FGD6: variants seen among roughly 807,000 people sequenced by gnomAD.
FGD6 encodes FYVE, RhoGEF and PH domain containing 6.
Under a neutral mutation model 149.4 loss-of-function variants are expected in FGD6, and 90 were observed. The ratio of observed to expected loss-of-function variants is 0.60; its 90% CI spans 0.51 to 0.72. The LOEUF (loss-of-function observed/expected upper bound fraction) is 0.72, where lower values mean the gene tolerates loss of function less well. FGD6 is among the 30% of genes least tolerant of loss of function. The probability of loss-of-function intolerance (pLI) is 0.00; values close to 1 mark genes in which losing one functional copy is unlikely to be tolerated. For synonymous variants in FGD6, 527 were observed against 584.0 expected, an observed-to-expected ratio of 0.90 and a Z score of 1.41; for missense variants, 1,437 against 1,684.8, an observed-to-expected ratio of 0.85 and a Z score of 2.57.
chr12:95,111,720 T>TTA (rs1210624754), intron 9 of FGD6, among the ~76,000 whole-genome samples: 1 of 152,138 alleles, frequency 6.6e-6, no homozygotes, highest in African/African-American at 2.4e-5. Flanking sequence ...TTGATGGATA[T>TTA]TATAAACTTC....
intron 2 of FGD6, among the ~76,000 whole-genome samples, chr12:95,198,859 TG>T (rs1322315078): frequency 6.6e-6 from 1 of 152,184 alleles, no homozygotes; most frequent in Non-Finnish European, 1.5e-5. Flanking sequence ...GGAGTCAGTT[TG>T]GGGGAAGAAA....
chr12:95,164,962 T>TA (rs987793210), intron 3 of FGD6, among the ~76,000 whole-genome samples: 3 of 152,074 alleles, frequency 2.0e-5, no homozygotes, highest in Admixed American at 6.6e-5. Flanking sequence ...AAAGATTTTT[T>TA]AAAAAAACAA....
At chr12:95,113,534 C>T in intron 9 of FGD6, 117 bp downstream of exon 9, 1 of 801,814 alleles carries the variant, frequency 1.2e-6, no homozygotes, top group Non-Finnish European at 2.0e-6. Flanking sequence ...CCGCACCTGC[C>T]CTTCAAGTCG....
intron 8 of FGD6, chr12:95,126,039 A>G (rs1395249893): frequency 7.6e-7 from 1 of 1,311,860 alleles, no homozygotes; most frequent in Non-Finnish European, 1.1e-6. Flanking sequence ...ATGGGCCAGG[A>G]AGATTGAAGC....
In FGD6 at chr12:95,193,811, G is replaced by T. The variant is rs187131999; in HGVS notation, c.2441+15032C>A. 2.4e-3 allele frequency among the ~76,000 whole-genome samples: 371 copies of T among 152,252 alleles called. 1 individual carries two copies. Among genetic ancestry groups the T allele is most frequent in the African/African-American group, 7.5e-3 (311 of 41,554 alleles). On this transcript the variant is annotated intron_variant, in intron 2 of 20. Coordinates refer to ENST00000343958, the MANE Select transcript of FGD6 (RefSeq NM_018351.4). ...CCCAAAGTGTTGGGATTATAGGCAT[G>T]AGCCACCATGCCTGGCCCATGCTGA...
intron 8 of FGD6, among the ~76,000 whole-genome samples, chr12:95,131,451 T>G (rs1279954093): frequency 3.4e-4 from 52 of 152,146 alleles, no homozygotes. Flanking sequence ...AATTACTTCC[T>G]GAACAGCTTC....
intron 8 of FGD6, among the ~76,000 whole-genome samples, chr12:95,127,986 T>G (rs1447297180): frequency 6.6e-6 from 1 of 152,148 alleles, no homozygotes; most frequent in Non-Finnish European, 1.5e-5. Flanking sequence ...GGCTTTTTTC[T>G]GAAAAACAAA....
At position 95,137,523 on chromosome 12, in the gene FGD6, T is replaced by C; in HGVS notation, c.2993A>G (p.Glu998Gly). ...PGFAAVVREF[E>G]MSPRCANLAL... ...TCAACATTAGATAGTAGCAAATACC[T>C]CAAATTCTCTAACAACAGCAGCAAA... Residue 998 changes from glutamate to glycine, a missense_variant and splice_region_variant, in exon 7 of 21, where the codon GAG becomes GGG. Glu to Gly is a moderately conservative substitution (Grantham distance 98). Transcript: ENST00000343958. 1 of 1,572,826 alleles carries C rather than the reference T, an allele frequency of 6.4e-7. No homozygotes were observed. Among genetic ancestry groups the C allele is most frequent in the Non-Finnish European group, 8.6e-7 (1 of 1,160,568 alleles).
intron 14 of FGD6, among the ~76,000 whole-genome samples, chr12:95,103,690 A>G (rs980858596): frequency 2.6e-5 from 4 of 152,168 alleles, no homozygotes; most frequent in African/African-American, 9.6e-5. Context: ...ACATGCCACC[A>G]TGTCTGGCTA....
intron 2 of FGD6, among the ~76,000 whole-genome samples, chr12:95,197,591 A>G (rs1445201568): frequency 6.6e-6 from 1 of 152,176 alleles, no homozygotes; most frequent in Non-Finnish European, 1.5e-5. Context: ...CCCTAAGTTA[A>G]TAAGGGTATT....
In FGD6 at chr12:95,210,219, A is replaced by T. The variant is rs765994336; in HGVS notation, c.1065T>A (p.Ser355Arg). The T allele has an allele frequency of 1.2e-6, 2 of 1,614,100 alleles. No homozygotes were observed. Among genetic ancestry groups the T allele is most frequent in the East Asian group, 4.5e-5 (2 of 44,886 alleles). ...DSSSSCLTENSLKINKISVLH... is the reference protein window; with the variant it reads ...DSSSSCLTENRLKINKISVLH... Reference sequence around the variant, plus strand: ...GAACACTGATTTTATTGATTTTCAAACTATTTTCAGTAAGACAGGAAGAGC... The same window carrying T: ...GAACACTGATTTTATTGATTTTCAATCTATTTTCAGTAAGACAGGAAGAGC... The change falls in exon 2 of 21, where the codon AGT (serine) becomes AGA (arginine). Residue 355 changes from serine to arginine, a missense_variant. By Grantham distance (110) the Ser-to-Arg change is moderately radical. This residue lies in a region of FGD6 where 1,055 missense variants were observed against 1,146.0 expected (regional missense o/e 0.92). Coordinates refer to ENST00000343958, the MANE Select transcript of FGD6 (RefSeq NM_018351.4).
chr12:95,177,297 T>C (rs1250865751), intron 2 of FGD6, among the ~76,000 whole-genome samples: 1 of 152,210 alleles, frequency 6.6e-6, no homozygotes, highest in African/African-American at 2.4e-5. Flanking sequence ...AGGGATCGGA[T>C]GGCCGAGAGA....
In FGD6 at chr12:95,126,860, G is replaced by A. The variant is rs559927468; in HGVS notation, c.3082+7879C>T. ...GGAGAATTGCTTGAACCCAGGAGTC[G>A]GAAGTTGCAGTGAGCTGAGATCATA... On this transcript the variant is annotated intron_variant, in intron 8 of 20. Coordinates refer to ENST00000343958, the MANE Select transcript of FGD6 (RefSeq NM_018351.4). Among the ~76,000 whole-genome samples the A allele has an allele frequency of 5.3e-5, 8 of 152,158 alleles. No individual in the cohort carries two copies. The South Asian group carries it at 6.2e-4, about 12-fold the overall frequency.
Position 95,094,797 on chromosome 12 carries a change from A to G in FGD6, c.3498-103T>C, listed in dbSNP as rs908045475. The stretch of plus-strand genomic sequence containing the variant: ...GCAACAGATCCCACCACCCTCCAAC[A>G]ATACCAGTCAAAAAAGTAGCAACTC... On this transcript the variant is annotated intron_variant, in intron 14 of 20. Transcript: ENST00000343958. The G allele has an allele frequency of 5.1e-6, 4 of 783,254 alleles. No homozygotes were observed. In the African/African-American group the frequency reaches 6.9e-5, roughly 13 times the overall value. 48.5% of individuals were successfully genotyped at this position (783,254 alleles called of 1,614,324 possible).
Position 95,091,553 on chromosome 12 carries a change from C to T in FGD6, c.3850+154G>A, listed in dbSNP as rs575147942. The stretch of plus-strand genomic sequence containing the variant: ...TTCAGCCCAACCTCTCCCAGAATTA[C>T]AACAAAATATGAATTAAGAAAGCTT... On this transcript the variant is annotated intron_variant, in intron 17 of 20. Coordinates refer to ENST00000343958, the MANE Select transcript of FGD6 (RefSeq NM_018351.4). 5.9e-5 allele frequency among the ~76,000 whole-genome samples: 9 copies of T among 152,308 alleles called. No individual in the cohort carries two copies. In the East Asian group the frequency reaches 1.3e-3, roughly 23 times the overall value.
intron 2 of FGD6, among the ~76,000 whole-genome samples, chr12:95,190,748 C>T (rs1310428380): frequency 6.6e-6 from 1 of 151,962 alleles, no homozygotes; most frequent in Non-Finnish European, 1.5e-5. Flanking sequence ...CTGATATTTC[C>T]CCACATATGT....
In FGD6 at chr12:95,211,127, C is replaced by A. The variant is rs900866464; in HGVS notation, c.157G>T (p.Ala53Ser). 9 of 1,614,148 alleles carry A rather than the reference C, an allele frequency of 5.6e-6. No homozygotes were observed. In the East Asian group the frequency reaches 8.9e-5, roughly 16 times the overall value. The change falls in exon 2 of 21, where the codon GCC (alanine) becomes TCC (serine). Residue 53 changes from alanine to serine, a missense_variant. Physicochemically the swap from Ala to Ser is moderately conservative, Grantham distance 99. Coordinates refer to ENST00000343958, the MANE Select transcript of FGD6 (RefSeq NM_018351.4). Reference sequence around the variant, plus strand: ...GTCTTCAGGACTTTTGGTTTTGGGGCTATTGCTGGTTTCATTTTCTTTGTC... The same window carrying A: ...GTCTTCAGGACTTTTGGTTTTGGGGATATTGCTGGTTTCATTTTCTTTGTC... Reference protein sequence around the residue: ...QSTKKMKPAIAPKPKVLKTSP... With the variant: ...QSTKKMKPAISPKPKVLKTSP...
intron 14 of FGD6, among the ~76,000 whole-genome samples, chr12:95,104,529 T>G (rs571125382): frequency 2.6e-5 from 4 of 151,984 alleles, no homozygotes; most frequent in African/African-American, 9.6e-5. Flanking sequence ...CTCCGCCTCC[T>G]GGGTTCAAGC....
intron 8 of FGD6, among the ~76,000 whole-genome samples, chr12:95,119,868 C>T (rs1879136108): frequency 6.6e-6 from 1 of 152,070 alleles, no homozygotes; most frequent in Admixed American, 6.6e-5. Context: ...TGCAGTGAGC[C>T]AAGATTGTGC....
Sources: allele counts gnomAD v4.1 joint callset (sites outside exome capture counted in the v4.1 genomes callset), GRCh38; gene constraint gnomAD v4.1.1; regional missense constraint gnomAD v4.1.1; transcripts MANE v1.5; gene names NCBI Gene and HGNC (gene_info 2026-07-23, HGNC 2026-07-21).